Variants in URM1 observed in about 807,000 individuals in gnomAD.
URM1 encodes ubiquitin related modifier 1.
URM1 carries 11 observed loss-of-function variants against 17.7 expected under a neutral mutation model. The observed-to-expected ratio is 0.62, with a 90% confidence interval of 0.39 to 1.03. The LOEUF is 1.03. Among genes scored for constraint, URM1 ranks in the 50% least tolerant of loss-of-function variants. URM1 has a pLI of 0.00. For synonymous variants in URM1, 48 were observed against 50.6 expected (o/e 0.95, Z 0.22); for missense variants, 128 against 129.2 (o/e 0.99, Z 0.04).
chr9:128,375,357 T>A (rs1833063216), intron 1 of URM1, among the ~76,000 whole-genome samples: 1 of 151,898 alleles, frequency 6.6e-6, no homozygotes, highest in Non-Finnish European at 1.5e-5. Context: ...ATGCACAGGG[T>A]CTCCAGAGTG....
intron 1 of URM1, 75 bp downstream of exon 1, chr9:128,371,490 G>C: frequency 6.7e-7 from 1 of 1,491,278 alleles, no homozygotes; most frequent in Non-Finnish European, 9.3e-7. Flanking sequence ...TTCTGCCGTG[G>C]GGCCTGACAC....
intron 2 of URM1, among the ~76,000 whole-genome samples, chr9:128,378,344 C>A (rs1279927284): frequency 6.6e-6 from 1 of 151,610 alleles, no homozygotes; most frequent in Non-Finnish European, 1.5e-5. Flanking sequence ...CGAGACCAGC[C>A]TGGCCAACAT....
At chr9:128,377,987 A>G (rs1564410228) in intron 1 of URM1, 49 bp from the exon 2 acceptor site, 4 of 1,606,088 alleles carry the variant, frequency 2.5e-6, no homozygotes, top group East Asian at 2.3e-5. Context: ...ACCTCTTCCT[A>G]TTTGCAGGAG....
At chr9:128,386,746 C>A (rs1833232690) in intron 2 of URM1, among the ~76,000 whole-genome samples, 1 of 152,250 alleles carries the variant, frequency 6.6e-6, no homozygotes, top group African/African-American at 2.4e-5. Context: ...AAGGCCTCAC[C>A]TGGGACTTCT....
At chr9:128,380,325 TG>T (rs899326754) in intron 2 of URM1, among the ~76,000 whole-genome samples, 18 of 150,116 alleles carry the variant, frequency 1.2e-4, no homozygotes, top group East Asian at 5.8e-4. Context: ...ACGTGGAGGC[TG>T]GGGGGGGGAC....
chr9:128,374,267 G>A (rs764089806), intron 1 of URM1, among the ~76,000 whole-genome samples: 23 of 152,276 alleles, frequency 1.5e-4, no homozygotes, highest in Admixed American at 5.2e-4. Context: ...GTCACTCTCT[G>A]AGCGAGACTG....
At chr9:128,372,628 T>C (rs571046307) in intron 1 of URM1, among the ~76,000 whole-genome samples, 23 of 152,252 alleles carry the variant, frequency 1.5e-4, no homozygotes, top group African/African-American at 4.3e-4. Context: ...TTGGATCCAA[T>C]TAGAACTGTA....
At chr9:128,382,603 C>T (rs550111295) in intron 2 of URM1, among the ~76,000 whole-genome samples, 4 of 152,258 alleles carry the variant, frequency 2.6e-5, no homozygotes, top group East Asian at 1.9e-4. Flanking sequence ...AGTGAGACTG[C>T]GAGAGAGGAA....
chr9:128,385,073 T>G (rs1833208818), intron 2 of URM1, among the ~76,000 whole-genome samples: 1 of 152,082 alleles, frequency 6.6e-6, no homozygotes, highest in African/African-American at 2.4e-5. Flanking sequence ...ACCGCTGAGG[T>G]TCACTGGGAG....
At position 128,387,767 on chromosome 9, in the gene URM1, A is replaced by C. The variant is rs1315983110; in HGVS notation, c.107-49A>C. ...GCCAGGCAAGGCTCTGGGGGTGGGC[A>C]GGTGCTATTTGGGTTTGACAAGAGT... On this transcript the variant is annotated intron_variant, in intron 2 of 4. Transcript: ENST00000372853. The surrounding 1 kb of genome is among the most constrained non-coding windows in gnomAD (Gnocchi z 4.3). 6.2e-7 allele frequency: 1 copy of C among 1,612,200 alleles called. No individual in the cohort carries two copies. Among genetic ancestry groups the C allele is most frequent in the East Asian group, 2.2e-5 (1 of 44,812 alleles).
chr9:128,373,590 AAT>A (rs1833039936), intron 1 of URM1, among the ~76,000 whole-genome samples: 1 of 152,080 alleles, frequency 6.6e-6, no homozygotes, highest in African/African-American at 2.4e-5. Flanking sequence ...CTTCCCCCTG[AAT>A]TGTTCTCAGC....
chr9:128,379,085 G>A (rs1359545854), intron 2 of URM1, among the ~76,000 whole-genome samples: 1 of 152,184 alleles, frequency 6.6e-6, no homozygotes, highest in East Asian at 1.9e-4. Flanking sequence ...GCTCAGGGAT[G>A]GGATTCCAGT....
At chr9:128,385,406 A>G (rs1189999073) in intron 2 of URM1, among the ~76,000 whole-genome samples, 3 of 152,004 alleles carry the variant, frequency 2.0e-5, no homozygotes, top group Non-Finnish European at 4.4e-5. Flanking sequence ...CTTGCCCACT[A>G]CCATCTCCCT....
At position 128,389,900 on chromosome 9, in the gene URM1, G is replaced by A. The variant is rs1209122552; in HGVS notation, c.*166G>A. ...AAAAGAGGCCAGGTGCTAAAAATGA[G>A]CCTTTCTCAAGCACGTGAGCAGCGG... is the stretch of plus-strand genomic sequence containing the variant. On this transcript the variant is annotated 3_prime_UTR_variant, in exon 5 of 5. Coordinates refer to ENST00000372853, the MANE Select transcript of URM1 (RefSeq NM_030914.4). The A allele has an allele frequency of 1.1e-6, 1 of 933,490 alleles. No individual in the cohort carries two copies. Among genetic ancestry groups the A allele is most frequent in the Non-Finnish European group, 1.6e-6 (1 of 639,294 alleles). The allele number at this position is 933,490 out of a possible 1,614,324, so 57.8% of individuals were successfully genotyped here. A position where few individuals can be genotyped will look rare whatever the true frequency, so the allele number is the denominator to read the frequency against.
intron 3 of URM1, 74 bp from the exon 4 acceptor site, chr9:128,389,185 GCT>G: frequency 6.6e-7 from 1 of 1,526,376 alleles, no homozygotes; most frequent in South Asian, 1.3e-5. Flanking sequence ...GCAGCCCAAA[GCT>G]CTCAGCCTCT....
chr9:128,371,351 G>A, upstream of URM1: 1 of 1,612,436 alleles, frequency 6.2e-7, no homozygotes, highest in South Asian at 1.1e-5. Flanking sequence ...GAAGTTGAGG[G>A]GAGTTTCCTG....
In URM1 at chr9:128,371,400, T is replaced by A. The variant is rs760611715; in HGVS notation, c.20T>A (p.Val7Glu). The A allele has an allele frequency of 3.1e-6, 5 of 1,612,738 alleles. No homozygotes were observed. In the South Asian group the frequency reaches 5.5e-5, roughly 18 times the overall value. Residue 7 changes from valine (V) to glutamate (E), a missense_variant, in exon 1 of 5, where the codon GTG (valine) becomes GAG (glutamate). Val to Glu is a moderately radical substitution (Grantham distance 121, BLOSUM62 -2). Coordinates refer to ENST00000372853, the MANE Select transcript of URM1 (RefSeq NM_030914.4). Reference protein sequence around the residue: MAAPLSVEVEFGGGAEL... With the variant: MAAPLSEEVEFGGGAEL... ...CTCAACATGGCTGCGCCCTTGTCAG[T>A]GGAGGTGGAGTTCGGGTGAGTCACA...
intron 2 of URM1, 124 bp downstream of exon 2, chr9:128,378,230 C>A: frequency 1.5e-6 from 1 of 678,934 alleles, no homozygotes; most frequent in South Asian, 2.1e-5. Flanking sequence ...CTCTAGCAGG[C>A]AGAGGAATAA....
intron 1 of URM1, among the ~76,000 whole-genome samples, chr9:128,372,590 T>G (rs188217206): frequency 9.1e-4 from 139 of 152,240 alleles, no homozygotes; most frequent in African/African-American, 3.2e-3. Context: ...CATGACTAAG[T>G]GCATTTTAAT....
Sources: allele counts gnomAD v4.1 joint callset (sites outside exome capture counted in the v4.1 genomes callset), GRCh38; gene constraint gnomAD v4.1.1; non-coding constraint Gnocchi (gnomAD v3.1); transcripts MANE v1.5; gene names NCBI Gene and HGNC (gene_info 2026-07-23, HGNC 2026-07-21).